PDE10A: variants seen among roughly 807,000 people sequenced by gnomAD.
The protein encoded by PDE10A is cAMP and cAMP-inhibited cGMP 3',5'-cyclic phosphodiesterase 10A.
In PDE10A, 39 loss-of-function variants were observed where a neutral mutation model predicts 97.7. That is an observed-to-expected ratio of 0.40 (90% CI 0.31 to 0.52). PDE10A has a LOEUF of 0.52. Ranked by LOEUF, PDE10A falls within the 20% of genes least tolerant of loss-of-function variation. PDE10A has a pLI of 0.56. For missense variants in PDE10A, 731 were observed against 1,047.8 expected, an observed-to-expected ratio of 0.70 and a Z score of 4.17; for synonymous variants, 371 against 376.8, an observed-to-expected ratio of 0.98 and a Z score of 0.18.
chr6:165,934,474 G>A lies in PDE10A; in HGVS notation c.-615+53055C>T, dbSNP rs372721701. On this transcript the variant is annotated intron_variant, in intron 1 of 19. Coordinates refer to the PDE10A transcript ENST00000366882. ...CACCACCACCAATTTTCAAACTAGT[G>A]ACAAAAAAAAACCCTCTGGATCCAT... Among the ~76,000 whole-genome samples, 351 of 150,800 alleles carry A rather than the reference G, an allele frequency of 2.3e-3. 18 individuals carry two copies. In the South Asian group the frequency reaches 0.07, roughly 30 times the overall value.
intron 1 of PDE10A, among the ~76,000 whole-genome samples, chr6:165,891,778 A>G (rs1447042587): frequency 1.3e-5 from 2 of 152,128 alleles, no homozygotes; most frequent in Admixed American, 1.3e-4. Context: ...ATTCTAGGCT[A>G]GTTAATAAGA....
chr6:165,358,426 T>C (rs1431343127), intron 18 of PDE10A, among the ~76,000 whole-genome samples: 6 of 152,104 alleles, frequency 3.9e-5, no homozygotes. Context: ...ACATTGACCA[T>C]TTCAGAGTAA....
rs73030140 is a variant in PDE10A, at chr6:165,364,221, G to A, written c.2783+14973C>T. Among the ~76,000 whole-genome samples, 1,234 of 152,282 alleles carry A rather than the reference G, an allele frequency of 8.1e-3. 8 individuals carry two copies. The highest frequency in any genetic ancestry group is 0.013 in the Non-Finnish European group (857 of 68,022). On this transcript the variant is annotated intron_variant, in intron 18 of 21. Coordinates refer to ENST00000539869, the MANE Select transcript of PDE10A (RefSeq NM_001385079.1). Reference sequence around the variant, plus strand: ...GTCCAACATGTTAGTATTTGGAGGTGGGACTTTTGGAAGGAAGGTGATTAT... The same window carrying A: ...GTCCAACATGTTAGTATTTGGAGGTAGGACTTTTGGAAGGAAGGTGATTAT...
At chr6:165,489,085 A>C (rs975821893) in intron 2 of PDE10A, among the ~76,000 whole-genome samples, 3 of 152,136 alleles carry the variant, frequency 2.0e-5, no homozygotes, top group Admixed American at 6.5e-5. Context: ...TTCTCACTAT[A>C]CAACCTCAGC....
At chr6:165,948,982 C>G (rs1187917028) in intron 1 of PDE10A, 1 of 152,228 alleles carries the variant, frequency 6.6e-6, no homozygotes, top group African/African-American at 2.4e-5. Flanking sequence ...TCTGTCTTGC[C>G]ACAGGGCACC....
intron 18 of PDE10A, among the ~76,000 whole-genome samples, chr6:165,374,759 T>G (rs1304365812): frequency 1.3e-5 from 2 of 151,964 alleles, no homozygotes; most frequent in East Asian, 3.9e-4. Context: ...TTTTTGGTTT[T>G]TTTTTTTTTT....
intron 1 of PDE10A, among the ~76,000 whole-genome samples, chr6:165,635,490 T>A (rs12191983): frequency 0.013 from 1,913 of 147,100 alleles, 45 homozygotes; most frequent in African/African-American, 0.044. Context: ...TGTGTGTGGG[T>A]GTGTGTGCAT....
chr6:165,503,454 G>A (rs1199946775), intron 2 of PDE10A, among the ~76,000 whole-genome samples: 1 of 152,124 alleles, frequency 6.6e-6, no homozygotes, highest in Middle Eastern at 3.2e-3. Flanking sequence ...AACTTAAGGG[G>A]CCAGCAGGAA....
At chr6:165,623,739 G>T (rs1001634073) in intron 1 of PDE10A, among the ~76,000 whole-genome samples, 2 of 143,150 alleles carry the variant, frequency 1.4e-5, no homozygotes, top group Non-Finnish European at 3.0e-5. Context: ...CCTCATGAGT[G>T]GGCATTCACC....
At chr6:165,380,211 C>A (rs1037197401) in intron 17 of PDE10A, among the ~76,000 whole-genome samples, 1 of 152,168 alleles carries the variant, frequency 6.6e-6, no homozygotes, top group Non-Finnish European at 1.5e-5. Context: ...AGTCAATTTG[C>A]AGATTCATCA....
chr6:165,828,128 C>G (rs1265554320), intron 1 of PDE10A, among the ~76,000 whole-genome samples: 2 of 152,192 alleles, frequency 1.3e-5, no homozygotes, highest in Admixed American at 6.5e-5. Context: ...ACGTGGAACC[C>G]TAACAAGAGA....
intron 1 of PDE10A, among the ~76,000 whole-genome samples, chr6:165,577,728 C>G (rs985122981): frequency 8.5e-5 from 13 of 152,204 alleles, no homozygotes; most frequent in Non-Finnish European, 1.9e-4. Context: ...ATGCAATCAG[C>G]AGCCACAGCG....
intron 2 of PDE10A, among the ~76,000 whole-genome samples, chr6:165,512,977 G>C (rs1781585006): frequency 6.6e-6 from 1 of 151,778 alleles, no homozygotes; most frequent in Non-Finnish European, 1.5e-5. Flanking sequence ...TTCATACTCA[G>C]ATCTGTTGAC....
intron 1 of PDE10A, among the ~76,000 whole-genome samples, chr6:165,933,261 C>T (rs1329303674): frequency 2.6e-5 from 4 of 152,074 alleles, no homozygotes; most frequent in Admixed American, 2.6e-4. Context: ...GGTGAAACAT[C>T]GCAGTTTCCA....
intron 1 of PDE10A, among the ~76,000 whole-genome samples, chr6:165,777,792 C>T (rs1778227896): frequency 6.6e-6 from 1 of 152,148 alleles, no homozygotes; most frequent in African/African-American, 2.4e-5. Context: ...ATGGATCACT[C>T]GTGAGCCAGT....
intron 1 of PDE10A, among the ~76,000 whole-genome samples, chr6:165,943,211 GAAAGAAA>G (rs1783607791): frequency 1.3e-5 from 1 of 75,216 alleles, no homozygotes; most frequent in Non-Finnish European, 2.6e-5. Flanking sequence ...AAGAAAGAAA[GAAAGAAA>G]GAAAGAAAGA....
In PDE10A at chr6:165,613,769, A is replaced by G. The variant is rs559877605; in HGVS notation, c.865+48178T>C. Among the ~76,000 whole-genome samples the G allele has an allele frequency of 5.5e-4, 84 of 152,342 alleles. 1 individual carries two copies. The highest frequency in any genetic ancestry group is 9.3e-4 in the Non-Finnish European group (63 of 68,018). ...AAAGTTAAAGATAGAGTAATACTTT[A>G]ATTAACAACTATACTCCAGCCCTTA... On this transcript the variant is annotated intron_variant, in intron 1 of 21. Transcript: ENST00000539869.
chr6:165,972,753 T>A (rs1279865649), intron 1 of PDE10A, among the ~76,000 whole-genome samples: 1 of 152,174 alleles, frequency 6.6e-6, no homozygotes, highest in Non-Finnish European at 1.5e-5. Flanking sequence ...ATTGTATTAT[T>A]TTTCGCCAAG....
At chr6:165,649,573 T>TA (rs1789573292) in intron 1 of PDE10A, among the ~76,000 whole-genome samples, 1 of 152,104 alleles carries the variant, frequency 6.6e-6, no homozygotes, top group Non-Finnish European at 1.5e-5. Context: ...CCTAGACCCC[T>TA]AGCCCCGGTA....
Sources: gnomAD v4.1 joint callset for allele counts (sites outside exome capture counted in the v4.1 genomes callset) on GRCh38, gnomAD v4.1.1 for gene constraint, MANE v1.5 for transcripts, NCBI Gene and HGNC (gene_info 2026-07-23, HGNC 2026-07-21) for gene names.